The following RYR2 variants were observed in gnomAD, a reference collection of about 807,000 sequenced individuals.
RYR2 encodes cardiac muscle ryanodine receptor-calcium release channel.
Under a neutral mutation model 601.1 loss-of-function variants are expected in RYR2, and 227 were observed. The observed-to-expected ratio is 0.38, with a 90% CI of 0.34 to 0.42. RYR2 has a LOEUF of 0.42. Among genes scored for constraint, RYR2 ranks in the 10% least tolerant of loss-of-function variants. RYR2 has a pLI of 1.00. For missense variants in RYR2, 4,646 were observed against 6,156.5 expected (o/e 0.75, Z 8.21); for synonymous variants, 2,223 against 2,175.1 (o/e 1.02, Z -0.61).
chr1:237,607,605 G>T (rs1677289962), intron 35 of RYR2, among the ~76,000 whole-genome samples: 2 of 152,080 alleles, frequency 1.3e-5, no homozygotes, highest in South Asian at 4.2e-4. Context: ...ACAATGAATT[G>T]GACTAATAGA....
chr1:237,531,255 C>T (rs921711760), intron 25 of RYR2, among the ~76,000 whole-genome samples: 4 of 152,100 alleles, frequency 2.6e-5, no homozygotes, highest in African/African-American at 9.7e-5. Context: ...TAGATAGATG[C>T]TGTAGTACTG....
intron 25 of RYR2, among the ~76,000 whole-genome samples, chr1:237,539,946 A>G (rs769501148): frequency 7.2e-5 from 11 of 152,204 alleles, no homozygotes; most frequent in Non-Finnish European, 1.6e-4. Flanking sequence ...TTTCTGATAT[A>G]TAATAGACAT....
intron 42 of RYR2, 26 bp downstream of exon 42, chr1:237,631,567 T>A: frequency 7.3e-7 from 1 of 1,364,320 alleles, no homozygotes; most frequent in Non-Finnish European, 1.0e-6. Context: ...CCTGAGATGC[T>A]ATTTAGTATC....
chr1:237,583,171 A>G (rs1674126917), intron 29 of RYR2, among the ~76,000 whole-genome samples: 1 of 151,972 alleles, frequency 6.6e-6, no homozygotes, highest in Admixed American at 6.6e-5. Flanking sequence ...CATTTCTCTG[A>G]TGATTAGCAA....
At chr1:237,667,113 G>A (rs917867643) in intron 57 of RYR2, among the ~76,000 whole-genome samples, 2 of 152,134 alleles carry the variant, frequency 1.3e-5, no homozygotes, top group Non-Finnish European at 2.9e-5. Context: ...TCCATTCATA[G>A]TCTCATCTGT....
At chr1:237,158,425 T>C (rs1675635419) in intron 1 of RYR2, among the ~76,000 whole-genome samples, 1 of 152,196 alleles carries the variant, frequency 6.6e-6, no homozygotes, top group Non-Finnish European at 1.5e-5. Flanking sequence ...TCGTGTTCAC[T>C]TTCATATTTT....
chr1:237,599,808 C>CAAAAA (rs56123861), intron 34 of RYR2, among the ~76,000 whole-genome samples: 6 of 107,952 alleles, frequency 5.6e-5, no homozygotes, highest in African/African-American at 1.2e-4. Flanking sequence ...GACTCCATCT[C>CAAAAA]AAAAAAAAAA....
chr1:237,303,938 CTTG>C (rs1693624191), intron 2 of RYR2, among the ~76,000 whole-genome samples: 1 of 152,114 alleles, frequency 6.6e-6, no homozygotes, highest in African/African-American at 2.4e-5. Context: ...CCACCACAGC[CTTG>C]TTTTCCTTTT....
At chr1:237,229,040 T>C (rs1684696404) in intron 1 of RYR2, among the ~76,000 whole-genome samples, 1 of 152,192 alleles carries the variant, frequency 6.6e-6, no homozygotes, top group Non-Finnish European at 1.5e-5. Context: ...ATGTGGAAGC[T>C]GAGGCCTGTG....
At chr1:237,533,771 A>G (rs1382305582) in intron 25 of RYR2, among the ~76,000 whole-genome samples, 2 of 152,166 alleles carry the variant, frequency 1.3e-5, no homozygotes, top group East Asian at 1.9e-4. Context: ...ATAATTCTAG[A>G]TAGTAATTAT....
chr1:237,197,942 T>A (rs981887824), intron 1 of RYR2, among the ~76,000 whole-genome samples: 5 of 152,190 alleles, frequency 3.3e-5, no homozygotes, highest in Non-Finnish European at 7.3e-5. Context: ...AAAAAGCAGC[T>A]GATTTGGTCA....
At chr1:237,382,682 T>TA (rs1413255664) in intron 8 of RYR2, among the ~76,000 whole-genome samples, 1 of 151,942 alleles carries the variant, frequency 6.6e-6, no homozygotes, top group Non-Finnish European at 1.5e-5. Flanking sequence ...AAATTTCTAA[T>TA]AAAAAATATA....
chr1:237,388,684 G>A (rs1445571505), intron 10 of RYR2, among the ~76,000 whole-genome samples: 1 of 151,920 alleles, frequency 6.6e-6, no homozygotes, highest in East Asian at 1.9e-4. Context: ...AATTTATTTG[G>A]CACTGGGACA....
intron 1 of RYR2, among the ~76,000 whole-genome samples, chr1:237,131,596 T>A (rs1672179722): frequency 6.6e-6 from 1 of 152,162 alleles, no homozygotes; most frequent in Non-Finnish European, 1.5e-5. Context: ...AGGAGAGGTA[T>A]GAAAACTGTA....
chr1:237,260,906 C>A (rs1441537888), intron 1 of RYR2, among the ~76,000 whole-genome samples: 1 of 152,138 alleles, frequency 6.6e-6, no homozygotes, highest in Admixed American at 6.5e-5. Flanking sequence ...TACTAGCATG[C>A]AAACTGAGGA....
At chr1:237,458,956 T>G (rs889640742) in intron 16 of RYR2, among the ~76,000 whole-genome samples, 1 of 152,200 alleles carries the variant, frequency 6.6e-6, no homozygotes, top group Non-Finnish European at 1.5e-5. Flanking sequence ...TTTGGAACTT[T>G]CAGACTAAAA....
chr1:237,557,659 CA>C (rs997666695), intron 27 of RYR2, among the ~76,000 whole-genome samples: 3 of 149,640 alleles, frequency 2.0e-5, no homozygotes, highest in African/African-American at 7.4e-5. Flanking sequence ...AGTTTGGTGA[CA>C]AAAAAGAAGT....
At chr1:237,745,597 C>G (rs757858164) in intron 80 of RYR2, among the ~76,000 whole-genome samples, 56 of 152,160 alleles carry the variant, frequency 3.7e-4, no homozygotes, top group Non-Finnish European at 3.5e-4. Flanking sequence ...AAAGGCTCCT[C>G]ATTCAGAAAA....
At chr1:237,623,391 T>C (rs202076778) in intron 38 of RYR2, among the ~76,000 whole-genome samples, 11 of 12,116 alleles carry the variant, frequency 9.1e-4, no homozygotes, top group Non-Finnish European at 2.0e-3. Context: ...TTCTTTTTTT[T>C]TTTTTTTTTT....
Sources: allele counts gnomAD v4.1 joint callset (sites outside exome capture counted in the v4.1 genomes callset), GRCh38; gene constraint gnomAD v4.1.1; transcripts MANE v1.5; gene names NCBI Gene and HGNC (gene_info 2026-07-23, HGNC 2026-07-21).